Variants in ANKMY1 observed in about 807,000 individuals in gnomAD.
The protein encoded by ANKMY1 is ankyrin repeat and MYND domain containing 1.
ANKMY1 carries 98 observed loss-of-function variants against 102.0 expected under a neutral mutation model. The observed-to-expected ratio is 0.96, with a 90% CI of 0.82 to 1.14. The LOEUF (loss-of-function observed/expected upper bound fraction) is 1.14. Ranked by LOEUF, ANKMY1 falls within the 50% of genes most tolerant of loss-of-function variation. The probability of loss-of-function intolerance (pLI) is 0.00; values close to 1 mark genes in which losing one functional copy is unlikely to be tolerated. For synonymous variants in ANKMY1, 582 were observed against 559.9 expected (o/e 1.04, Z -0.56); for missense variants, 1,330 against 1,347.6 (o/e 0.99, Z 0.20).
At chr2:240,528,984 G>A (rs1376165539) in intron 5 of ANKMY1, 53 bp downstream of exon 5, 5 of 1,561,202 alleles carry the variant, frequency 3.2e-6, no homozygotes, top group Non-Finnish European at 4.4e-6. Flanking sequence ...ACCTGCCTAG[G>A]GCAGCCTGCA....
At chr2:240,526,466 A>T (rs1203377184) in intron 5 of ANKMY1, 21 bp from the exon 6 acceptor site, 1 of 1,613,794 alleles carries the variant, frequency 6.2e-7, no homozygotes. Context: ...AACAAGTTTC[A>T]GTGGTCCTAG....
At chr2:240,537,057 A>C (rs1017571627) in intron 4 of ANKMY1, among the ~76,000 whole-genome samples, 9 of 152,136 alleles carry the variant, frequency 5.9e-5, no homozygotes, top group African/African-American at 2.2e-4. Context: ...AGAAAAAAAG[A>C]AGAAAAAGAA....
intron 9 of ANKMY1, among the ~76,000 whole-genome samples, chr2:240,519,247 T>C (rs1575106595): frequency 6.6e-6 from 1 of 152,062 alleles, no homozygotes; most frequent in Non-Finnish European, 1.5e-5. Context: ...TGTGGATGGG[T>C]GGATGCACTG....
the ANKMY1 span, among the ~76,000 whole-genome samples, chr2:240,473,595 G>C: frequency 1.3e-5 from 2 of 151,976 alleles, no homozygotes; most frequent in African/African-American, 4.8e-5. Context: ...AAAGAAGACA[G>C]AAACAAAGGG....
chr2:240,500,636 G>A (rs1393444932), intron 13 of ANKMY1, 71 bp from the exon 14 acceptor site: 1 of 1,379,988 alleles, frequency 7.2e-7, no homozygotes, highest in Non-Finnish European at 1.0e-6. Flanking sequence ...AGCACCGCCT[G>A]AGAAGGGCCA....
the ANKMY1 span, among the ~76,000 whole-genome samples, chr2:240,470,810 G>GA: frequency 6.6e-6 from 1 of 152,158 alleles, no homozygotes; most frequent in Non-Finnish European, 1.5e-5. Flanking sequence ...TGAAATTCTG[G>GA]AAAAAGTCAG....
At chr2:240,558,250 G>T (rs2092633629), upstream of ANKMY1, 1 of 152,384 alleles carries the variant, frequency 6.6e-6, no homozygotes. Flanking sequence ...AGGGAGCGCC[G>T]TGGGACACCT....
At chr2:240,521,780 G>A (rs1367196130) in intron 8 of ANKMY1, among the ~76,000 whole-genome samples, 1 of 152,154 alleles carries the variant, frequency 6.6e-6, no homozygotes, top group Non-Finnish European at 1.5e-5. Flanking sequence ...TTACAGGAGT[G>A]AGCCACTGCG....
At chr2:240,495,392 C>T (rs559229745) in intron 15 of ANKMY1, among the ~76,000 whole-genome samples, 47 of 152,328 alleles carry the variant, frequency 3.1e-4, no homozygotes, top group South Asian at 6.2e-4. Context: ...TCAGTGGTCA[C>T]GCTCCTGGTC....
chr2:240,500,018 G>A lies in ANKMY1; in HGVS notation c.2746C>T (p.Gln916Ter). 1 of 1,613,064 alleles carries A rather than the reference G, an allele frequency of 6.2e-7. No homozygotes were observed. The highest frequency in any genetic ancestry group is 8.5e-7 in the Non-Finnish European group (1 of 1,179,828). The change falls in exon 15 of 18, where the codon CAG (glutamine) becomes TAG (stop). Residue 916 changes from glutamine to a stop codon, truncating the protein, a stop_gained. Coordinates refer to ENST00000401804, the MANE Select transcript of ANKMY1 (RefSeq NM_001282771.3). LOFTEE classifies it high-confidence loss of function. ...TGGCTCTCCTTGGCAAAGACAGCCT[G>A]CCGTAGCTGCAAGCCCATGTACTCC... ...LLEYMGLQLR[Q>*]AVFAKESQWD...
chr2:240,523,844 A>G (rs779463764), intron 8 of ANKMY1, 41 bp downstream of exon 8: 24 of 1,593,716 alleles, frequency 1.5e-5, no homozygotes, highest in Non-Finnish European at 2.0e-5. Context: ...TTCAGCCCTG[A>G]TGGTGGCCCT....
intron 15 of ANKMY1, among the ~76,000 whole-genome samples, chr2:240,486,606 T>C (rs985415880): frequency 1.5e-4 from 23 of 152,378 alleles, no homozygotes; most frequent in Non-Finnish European, 2.9e-4. Flanking sequence ...TGTTTGCAAG[T>C]TAACTTGCTG....
chr2:240,509,404 G>A lies in ANKMY1; in HGVS notation c.2338C>T (p.Leu780=), dbSNP rs775665615. 4 of 1,613,722 alleles carry A rather than the reference G, an allele frequency of 2.5e-6. No homozygotes were observed. The African/African-American group carries it at 5.3e-5, about 22-fold the overall frequency. ...AGCGGGGAGTGGCCACTCCACAGCA[G>A]GTTAGGATTTGCTCCGTGGGATAGA... is the stretch of plus-strand genomic sequence containing the variant. The part of the protein sequence containing the change: ...LLLSHGANPN[L]LWSGHSPLSL... The change falls in exon 12 of 18, where the codon CTG becomes TTG. Residue 780 remains leucine, a synonymous_variant. Coordinates refer to ENST00000401804, the MANE Select transcript of ANKMY1 (RefSeq NM_001282771.3).
chr2:240,473,123 TAAAAAAAAAA>T, the ANKMY1 span, among the ~76,000 whole-genome samples: 9 of 108,488 alleles, frequency 8.3e-5, no homozygotes, highest in African/African-American at 3.6e-4. Context: ...AAACTCTGTC[TAAAAAAAAAA>T]AAAAAACAAA....
chr2:240,534,582 A>G (rs2086261938), intron 4 of ANKMY1, among the ~76,000 whole-genome samples: 1 of 152,116 alleles, frequency 6.6e-6, no homozygotes, highest in Non-Finnish European at 1.5e-5. Context: ...AGCCTGGGCA[A>G]CACAGCAAGA....
chr2:240,557,349 C>A lies in ANKMY1; in HGVS notation c.-14G>T. ...GGCCCCTTCCATGTCTGTGGTCTTC[C>A]AACCTGCAAGCGACGTCAGGACCGC... On this transcript the variant is annotated 5_prime_UTR_variant, in exon 2 of 18. Coordinates refer to ENST00000401804, the MANE Select transcript of ANKMY1 (RefSeq NM_001282771.3). The A allele has an allele frequency of 6.6e-7, 1 of 1,517,780 alleles. No individual in the cohort carries two copies. The highest frequency in any genetic ancestry group is 8.9e-7 in the Non-Finnish European group (1 of 1,126,028). 94.0% of individuals were successfully genotyped at this position (1,517,780 alleles called of 1,614,324 possible).
rs192032224 is a variant in ANKMY1 at position 240,497,880 on chromosome 2, T to C, written c.2806+2078A>G. 9.8e-5 allele frequency among the ~76,000 whole-genome samples: 15 copies of C among 152,326 alleles called. No homozygotes were observed. In the East Asian group the frequency reaches 2.5e-3, roughly 25 times the overall value. The stretch of plus-strand genomic sequence containing the variant: ...TTCTCCGTAAGTGACACCTCCGTTT[T>C]AGGACCTAATCTCTGATGGAAAGGA... On this transcript the variant is annotated intron_variant, in intron 15 of 17. Coordinates refer to ENST00000401804, the MANE Select transcript of ANKMY1 (RefSeq NM_001282771.3).
the ANKMY1 span, among the ~76,000 whole-genome samples, chr2:240,471,959 G>A: frequency 6.6e-6 from 1 of 152,136 alleles, no homozygotes; most frequent in South Asian, 2.1e-4. Flanking sequence ...CCTGAAGGCA[G>A]GCCCACCAAC....
In ANKMY1 at chr2:240,497,148, C is replaced by T. The variant is rs193099485; in HGVS notation, c.2806+2810G>A. 7.2e-5 allele frequency among the ~76,000 whole-genome samples: 11 copies of T among 152,088 alleles called. No homozygotes were observed. In the East Asian group the frequency reaches 2.1e-3, roughly 29 times the overall value. On this transcript the variant is annotated intron_variant, in intron 15 of 17. Coordinates refer to ENST00000401804, the MANE Select transcript of ANKMY1 (RefSeq NM_001282771.3). ...GCTGAGCATAAGAATGGAGCCGCCA[C>T]CTCCTCGCCATCTTGGAAGCTGAGC... is the stretch of plus-strand genomic sequence containing the variant.
Sources: allele counts gnomAD v4.1 joint callset (sites outside exome capture counted in the v4.1 genomes callset), GRCh38; gene constraint gnomAD v4.1.1; transcripts MANE v1.5; gene names NCBI Gene and HGNC (gene_info 2026-07-23, HGNC 2026-07-21).